CAMSAP2: variants seen among roughly 807,000 people sequenced by gnomAD.
CAMSAP2 encodes the protein calmodulin-regulated spectrin-associated protein 2.
A neutral mutation model predicts 146.1 loss-of-function variants in CAMSAP2; 26 were observed. The observed-to-expected ratio is 0.18, with a 90% confidence interval of 0.13 to 0.25. The LOEUF (loss-of-function observed/expected upper bound fraction) is 0.25. Ranked by LOEUF, CAMSAP2 falls within the 10% of genes least tolerant of loss-of-function variation. The pLI is 1.00. For synonymous variants in CAMSAP2, 499 were observed against 596.6 expected (o/e 0.84, Z 2.38); for missense variants, 1,381 against 1,759.3 (o/e 0.78, Z 3.85).
At chr1:200,800,033 CTGTT>C (rs1156363408) in intron 2 of CAMSAP2, among the ~76,000 whole-genome samples, 6 of 152,122 alleles carry the variant, frequency 3.9e-5, no homozygotes, top group African/African-American at 1.2e-4. Flanking sequence ...GTCTGAGAGA[CTGTT>C]TGTTATGATT....
At chr1:200,752,768 C>T (rs1224851486) in intron 1 of CAMSAP2, among the ~76,000 whole-genome samples, 1 of 152,042 alleles carries the variant, frequency 6.6e-6, no homozygotes, top group Non-Finnish European at 1.5e-5. Context: ...AGGTGCCCGC[C>T]ACCACGCACG....
chr1:200,810,406 C>T (rs977249658), intron 3 of CAMSAP2, among the ~76,000 whole-genome samples: 1 of 151,928 alleles, frequency 6.6e-6, no homozygotes, highest in African/African-American at 2.4e-5. Flanking sequence ...ATGGTGAAAC[C>T]CCGTTCTGAA....
chr1:200,825,967 T>C (rs1207171450), intron 4 of CAMSAP2, among the ~76,000 whole-genome samples: 2 of 152,206 alleles, frequency 1.3e-5, no homozygotes, highest in Admixed American at 6.5e-5. Context: ...GTATTTTGGA[T>C]ATGTATTTTC....
chr1:200,854,739 A>C, intron 13 of CAMSAP2, 78 bp from the exon 14 acceptor site: 1 of 1,012,504 alleles, frequency 9.9e-7, no homozygotes, highest in Non-Finnish European at 1.5e-6. Flanking sequence ...TCTAATGAAC[A>C]GACTCTTTGC....
At chr1:200,817,165 C>A (rs541764269) in intron 4 of CAMSAP2, among the ~76,000 whole-genome samples, 36 of 68,082 alleles carry the variant, frequency 5.3e-4, no homozygotes, top group African/African-American at 2.0e-3. Flanking sequence ...CATACACACA[C>A]GTGTGTGTAT....
intron 2 of CAMSAP2, among the ~76,000 whole-genome samples, chr1:200,788,264 T>A (rs1665650337): frequency 6.6e-6 from 1 of 152,236 alleles, no homozygotes; most frequent in Admixed American, 6.5e-5. Flanking sequence ...GCTACAGTTT[T>A]AAAAATTCAT....
At chr1:200,784,850 TTGTTAAA>T (rs767710197) in intron 2 of CAMSAP2, among the ~76,000 whole-genome samples, 1 of 152,202 alleles carries the variant, frequency 6.6e-6, no homozygotes, top group Non-Finnish European at 1.5e-5. Flanking sequence ...TGAGTTCCCA[TTGTTAAA>T]TGTGATATTA....
At chr1:200,746,761 G>T (rs1252562455) in intron 1 of CAMSAP2, among the ~76,000 whole-genome samples, 1 of 151,040 alleles carries the variant, frequency 6.6e-6, no homozygotes, top group East Asian at 1.9e-4. Context: ...TGGGACTACA[G>T]GAGCCCACCA....
At position 200,777,662 on chromosome 1, in the gene CAMSAP2, A is replaced by C. The variant is rs551724331; in HGVS notation, c.399+16564A>C. ...AAGTGAAATTCTTCAAGTTCTTAATAGGAAAAAAAGGTATACTTTACAGTT... is the reference window on the plus strand; with the variant it reads ...AAGTGAAATTCTTCAAGTTCTTAATCGGAAAAAAAGGTATACTTTACAGTT... On this transcript the variant is annotated intron_variant, in intron 2 of 16. Coordinates refer to ENST00000358823, the MANE Select transcript of CAMSAP2 (RefSeq NM_203459.4). Among the ~76,000 whole-genome samples, 3 of 152,320 alleles carry C rather than the reference A, an allele frequency of 2.0e-5. No individual in the cohort carries two copies. The South Asian group carries it at 6.2e-4, about 32-fold the overall frequency.
intron 1 of CAMSAP2, among the ~76,000 whole-genome samples, chr1:200,752,148 G>A (rs1664524054): frequency 6.6e-6 from 1 of 151,704 alleles, no homozygotes; most frequent in African/African-American, 2.4e-5. Flanking sequence ...TGACCGTTGG[G>A]GGAAAAAAAG....
At chr1:200,763,373 T>C (rs573579297) in intron 2 of CAMSAP2, among the ~76,000 whole-genome samples, 1 of 152,198 alleles carries the variant, frequency 6.6e-6, no homozygotes, top group Non-Finnish European at 1.5e-5. Flanking sequence ...ACCCCATCTC[T>C]ACTGAAAATA....
chr1:200,790,353 G>A (rs1048821836), intron 2 of CAMSAP2, among the ~76,000 whole-genome samples: 2 of 152,144 alleles, frequency 1.3e-5, no homozygotes, highest in African/African-American at 2.4e-5. Context: ...CAGCGGGGCT[G>A]GGGGGAAGGG....
intron 2 of CAMSAP2, among the ~76,000 whole-genome samples, chr1:200,777,683 C>T (rs1571743560): frequency 6.6e-6 from 1 of 152,108 alleles, no homozygotes; most frequent in Non-Finnish European, 1.5e-5. Context: ...GTATACTTTA[C>T]AGTTGTGCCA....
intron 2 of CAMSAP2, among the ~76,000 whole-genome samples, chr1:200,785,393 GT>G (rs373017749): frequency 2.0e-4 from 28 of 137,142 alleles, no homozygotes; most frequent in Admixed American, 3.0e-4. Context: ...TTTTTCTTTT[GT>G]TTTTTTTTTT....
At chr1:200,770,864 T>TA (rs1296570928) in intron 2 of CAMSAP2, among the ~76,000 whole-genome samples, 1 of 152,218 alleles carries the variant, frequency 6.6e-6, no homozygotes, top group Non-Finnish European at 1.5e-5. Flanking sequence ...ATTTAGTAGA[T>TA]ACTCGGTTCT....
intron 2 of CAMSAP2, among the ~76,000 whole-genome samples, chr1:200,784,695 A>G (rs1665536444): frequency 6.6e-6 from 1 of 152,200 alleles, no homozygotes; most frequent in Admixed American, 6.5e-5. Flanking sequence ...TCTGTGAATA[A>G]ACACAGTTTT....
At position 200,821,969 on chromosome 1, in the gene CAMSAP2, G is replaced by T. The variant is rs368489373; in HGVS notation, c.645+6325G>T. On this transcript the variant is annotated intron_variant, in intron 4 of 16. Coordinates refer to ENST00000358823, the MANE Select transcript of CAMSAP2 (RefSeq NM_203459.4). The stretch of plus-strand genomic sequence containing the variant: ...GTATAGATCTAATATAACTTTTAAA[G>T]AACTTTTATTTTATTTTGAAATAAT... Among the ~76,000 whole-genome samples, 8 of 152,108 alleles carry T rather than the reference G, an allele frequency of 5.3e-5. No homozygotes were observed. The East Asian group carries it at 7.7e-4, about 15-fold the overall frequency.
chr1:200,824,237 T>C (rs1169323626), intron 4 of CAMSAP2, among the ~76,000 whole-genome samples: 7 of 71,760 alleles, frequency 9.8e-5, no homozygotes, highest in African/African-American at 1.9e-4. Flanking sequence ...ATCCATCTCT[T>C]TTTTTTTTTT....
chr1:200,767,033 TA>T (rs1424726024), intron 2 of CAMSAP2, among the ~76,000 whole-genome samples: 1 of 152,108 alleles, frequency 6.6e-6, no homozygotes, highest in Non-Finnish European at 1.5e-5. Flanking sequence ...ATTGATACAG[TA>T]TTTAAGAATA....
Sources: gnomAD v4.1 joint callset for allele counts (sites outside exome capture counted in the v4.1 genomes callset) on GRCh38, gnomAD v4.1.1 for gene constraint, MANE v1.5 for transcripts, NCBI Gene and HGNC (gene_info 2026-07-23, HGNC 2026-07-21) for gene names.